Variants in ROBO1 observed in about 807,000 individuals in gnomAD.
ROBO1 encodes the protein roundabout homolog 1.
Under a neutral mutation model 195.9 loss-of-function variants are expected in ROBO1, and 149 were observed. The observed-to-expected ratio is 0.76, with a 90% CI of 0.67 to 0.87. The LOEUF is 0.87. Ranked by LOEUF, ROBO1 falls within the 40% of genes least tolerant of loss-of-function variation. The probability of loss-of-function intolerance (pLI) is 0.00; values close to 1 mark genes in which losing one functional copy is unlikely to be tolerated. For synonymous variants in ROBO1, 816 were observed against 733.2 expected, an observed-to-expected ratio of 1.11 and a Z score of -1.82; for missense variants, 1,933 against 2,068.3, an observed-to-expected ratio of 0.93 and a Z score of 1.27.
chr3:78,868,936 CTTT>C (rs2035359849), intron 4 of ROBO1, among the ~76,000 whole-genome samples: 1 of 152,068 alleles, frequency 6.6e-6, no homozygotes, highest in Non-Finnish European at 1.5e-5. Context: ...GTATTATAAA[CTTT>C]TTTATTTTCT....
At chr3:79,531,325 A>G (rs907330465) in intron 2 of ROBO1, among the ~76,000 whole-genome samples, 6 of 152,320 alleles carry the variant, frequency 3.9e-5, no homozygotes, top group African/African-American at 1.2e-4. Flanking sequence ...TTGGCACATA[A>G]CATTACATTA....
At chr3:78,980,746 T>C (rs1576505972) in intron 3 of ROBO1, among the ~76,000 whole-genome samples, 4 of 152,156 alleles carry the variant, frequency 2.6e-5, no homozygotes, top group Admixed American at 6.5e-5. Context: ...CTTGCTTTGG[T>C]ATATGTAATT....
At chr3:79,034,936 C>G (rs965364726) in intron 3 of ROBO1, among the ~76,000 whole-genome samples, 1 of 151,946 alleles carries the variant, frequency 6.6e-6, no homozygotes, top group Non-Finnish European at 1.5e-5. Context: ...GTTGGTGAAA[C>G]AGACAATAAA....
At chr3:79,360,257 T>C (rs919607169) in intron 2 of ROBO1, among the ~76,000 whole-genome samples, 2 of 152,028 alleles carry the variant, frequency 1.3e-5, no homozygotes, top group African/African-American at 4.8e-5. Context: ...TTTTTTAACT[T>C]TCATAAATGG....
chr3:79,533,116 G>C, intron 2 of ROBO1: 1 of 433,134 alleles, frequency 2.3e-6, no homozygotes, highest in South Asian at 1.7e-5. Context: ...AGCCCTGGAG[G>C]GAGAATAGGG....
At chr3:79,746,206 G>A (rs1703869495) in intron 1 of ROBO1, among the ~76,000 whole-genome samples, 2 of 152,002 alleles carry the variant, frequency 1.3e-5, no homozygotes, top group South Asian at 4.1e-4. Context: ...GGAATGAAAT[G>A]GTACATTTCT....
intron 1 of ROBO1, among the ~76,000 whole-genome samples, chr3:79,644,234 A>T (rs1324153239): frequency 2.6e-5 from 4 of 152,154 alleles, no homozygotes; most frequent in Admixed American, 2.6e-4. Context: ...ATAAAGGAAA[A>T]GGTAGACTAC....
chr3:79,029,907 C>T (rs2078263584), intron 3 of ROBO1, among the ~76,000 whole-genome samples: 2 of 152,174 alleles, frequency 1.3e-5, no homozygotes, highest in Admixed American at 6.5e-5. Context: ...CTCTTCTGTA[C>T]ATCTTGTAAA....
intron 4 of ROBO1, among the ~76,000 whole-genome samples, chr3:78,884,512 G>C (rs1350662082): frequency 6.6e-6 from 1 of 151,404 alleles, no homozygotes; most frequent in Non-Finnish European, 1.5e-5. Flanking sequence ...CAGCTACTCA[G>C]GGACTGAGAT....
At chr3:79,227,650 C>T (rs1335899548) in intron 2 of ROBO1, among the ~76,000 whole-genome samples, 4 of 152,124 alleles carry the variant, frequency 2.6e-5, no homozygotes, top group African/African-American at 9.7e-5. Flanking sequence ...AAATTACACT[C>T]AAATTAATCT....
intron 3 of ROBO1, among the ~76,000 whole-genome samples, chr3:79,031,619 GA>G (rs1346531065): frequency 6.6e-6 from 1 of 152,150 alleles, no homozygotes; most frequent in Non-Finnish European, 1.5e-5. Flanking sequence ...TATATTAAGT[GA>G]AGAGCATAAT....
chr3:78,662,897 T>C (rs1707513738), intron 14 of ROBO1, among the ~76,000 whole-genome samples: 1 of 152,108 alleles, frequency 6.6e-6, no homozygotes, highest in African/African-American at 2.4e-5. Flanking sequence ...TTTTATAAGC[T>C]TCTTAAAGTC....
chr3:79,282,320 T>C (rs1000152366), intron 2 of ROBO1, among the ~76,000 whole-genome samples: 1 of 152,180 alleles, frequency 6.6e-6, no homozygotes, highest in East Asian at 1.9e-4. Flanking sequence ...CCCTCCTCTT[T>C]ATCCATCAAA....
At chr3:79,448,714 A>G (rs1244303948) in intron 2 of ROBO1, among the ~76,000 whole-genome samples, 1 of 152,194 alleles carries the variant, frequency 6.6e-6, no homozygotes, top group Non-Finnish European at 1.5e-5. Context: ...AAGAAAGATT[A>G]ATGATTTAAA....
intron 2 of ROBO1, among the ~76,000 whole-genome samples, chr3:79,493,160 A>G (rs1054306750): frequency 1.3e-5 from 2 of 152,054 alleles, no homozygotes; most frequent in African/African-American, 4.8e-5. Flanking sequence ...ACATATTAAA[A>G]AGGTAAGATA....
chr3:78,929,231 T>A (rs968704545), intron 4 of ROBO1, among the ~76,000 whole-genome samples: 8 of 152,134 alleles, frequency 5.3e-5, no homozygotes, highest in Admixed American at 4.6e-4. Context: ...CTTTAGAGAC[T>A]AAGAGACTGA....
chr3:79,366,364 C>T (rs1001079229), intron 2 of ROBO1, among the ~76,000 whole-genome samples: 3 of 152,120 alleles, frequency 2.0e-5, no homozygotes, highest in Admixed American at 6.6e-5. Context: ...GTATTCTTGT[C>T]TGACTTCATT....
chr3:79,069,277 T>C (rs1402106868), intron 3 of ROBO1, among the ~76,000 whole-genome samples: 1 of 151,928 alleles, frequency 6.6e-6, no homozygotes, highest in Non-Finnish European at 1.5e-5. Context: ...TGCAGCTATA[T>C]ATCTATGTAT....
At chr3:79,584,852 C>G (rs1266201814) in intron 2 of ROBO1, among the ~76,000 whole-genome samples, 1 of 151,632 alleles carries the variant, frequency 6.6e-6, no homozygotes, top group Admixed American at 6.6e-5. Flanking sequence ...ATAGGAAACA[C>G]AGCAAGTCAC....
Sources: gnomAD v4.1 joint callset for allele counts (sites outside exome capture counted in the v4.1 genomes callset) on GRCh38, gnomAD v4.1.1 for gene constraint, MANE v1.5 for transcripts, NCBI Gene and HGNC (gene_info 2026-07-23, HGNC 2026-07-21) for gene names.